The following GPC5 variants were observed in gnomAD, a reference collection of about 807,000 sequenced individuals.
The protein encoded by GPC5 is glypican-5.
A neutral mutation model predicts 53.9 loss-of-function variants in GPC5; 47 were observed. That is an observed-to-expected ratio of 0.87 (90% CI 0.69 to 1.11). The LOEUF (loss-of-function observed/expected upper bound fraction) is 1.11, where lower values mean the gene tolerates loss of function less well. Among genes scored for constraint, GPC5 ranks in the 50% most tolerant of loss-of-function variants. The pLI is 0.00. For synonymous variants in GPC5, 286 were observed against 263.3 expected, an observed-to-expected ratio of 1.09 and a Z score of -0.84; for missense variants, 748 against 713.1, an observed-to-expected ratio of 1.05 and a Z score of -0.56.
intron 5 of GPC5, among the ~76,000 whole-genome samples, chr13:91,818,799 A>G (rs2038440690): frequency 6.6e-6 from 1 of 152,184 alleles, no homozygotes; most frequent in African/African-American, 2.4e-5. Flanking sequence ...TAAGATATAT[A>G]AATACAAGAT....
At chr13:92,839,845 C>T (rs1341694683) in intron 7 of GPC5, among the ~76,000 whole-genome samples, 1 of 151,736 alleles carries the variant, frequency 6.6e-6, no homozygotes, top group Non-Finnish European at 1.5e-5. Flanking sequence ...TAAACCCTTC[C>T]ACGTATCTTA....
At chr13:91,726,241 T>G (rs2036574253) in intron 3 of GPC5, among the ~76,000 whole-genome samples, 1 of 152,214 alleles carries the variant, frequency 6.6e-6, no homozygotes, top group Non-Finnish European at 1.5e-5. Context: ...ACTTTGCCTC[T>G]CTTCTATCTG....
At chr13:91,599,065 G>T (rs1442205700) in intron 2 of GPC5, among the ~76,000 whole-genome samples, 2 of 151,988 alleles carry the variant, frequency 1.3e-5, no homozygotes, top group African/African-American at 2.4e-5. Flanking sequence ...AGCTTTTGGG[G>T]TATCAAGTGG....
intron 7 of GPC5, among the ~76,000 whole-genome samples, chr13:92,267,545 TCCAAATCTTAGTAAAA>T: frequency 6.6e-6 from 1 of 152,230 alleles, no homozygotes; most frequent in Non-Finnish European, 1.5e-5. Context: ...TTATACAGTT[TCCAAATCTTAGTAAAA>T]CCTGGGACTT....
chr13:91,838,455 A>C (rs963195228), intron 5 of GPC5, among the ~76,000 whole-genome samples: 2 of 152,048 alleles, frequency 1.3e-5, no homozygotes, highest in African/African-American at 4.8e-5. Context: ...TTGTTTCTTG[A>C]TCTTGTTTTT....
In GPC5 at chr13:92,083,441, AT is replaced by A. The variant is rs531842940; in HGVS notation, c.1402-61387del. On this transcript the variant is annotated intron_variant, in intron 6 of 7. Transcript: ENST00000377067. The stretch of plus-strand genomic sequence containing the variant: ...AAAACATATATAGAGTCAGGAGGTG[AT>A]TAAAAATTTTAACCAGAAGGATTTA... Among the ~76,000 whole-genome samples the A allele has an allele frequency of 2.3e-3, 349 of 152,280 alleles. 5 individuals are homozygous for A. Among genetic ancestry groups the A allele is most frequent in the Non-Finnish European group, 8.7e-4 (59 of 68,010 alleles).
At chr13:92,118,289 T>A (rs919143950) in intron 6 of GPC5, among the ~76,000 whole-genome samples, 1 of 152,222 alleles carries the variant, frequency 6.6e-6, no homozygotes, top group Non-Finnish European at 1.5e-5. Flanking sequence ...CAGCCTTGCA[T>A]TCGTGGTATA....
intron 6 of GPC5, among the ~76,000 whole-genome samples, chr13:91,976,508 A>T (rs2040303615): frequency 6.6e-6 from 1 of 152,168 alleles, no homozygotes; most frequent in Non-Finnish European, 1.5e-5. Flanking sequence ...GAGTTTATAT[A>T]GCAGAGAAGG....
intron 7 of GPC5, among the ~76,000 whole-genome samples, chr13:92,331,328 C>T (rs564224386): frequency 2.6e-5 from 4 of 152,178 alleles, no homozygotes; most frequent in East Asian, 3.9e-4. Context: ...AAATGAATAA[C>T]GTCTGCAGGT....
intron 6 of GPC5, among the ~76,000 whole-genome samples, chr13:92,134,676 G>A (rs1446356260): frequency 6.6e-6 from 1 of 152,110 alleles, no homozygotes. Context: ...TCAGTTACAA[G>A]TTCTTATTTG....
At chr13:91,954,055 A>G (rs555103121) in intron 6 of GPC5, among the ~76,000 whole-genome samples, 2 of 152,312 alleles carry the variant, frequency 1.3e-5, no homozygotes, top group South Asian at 2.1e-4. Flanking sequence ...AAAATTATGA[A>G]TGGTTCTATA....
At chr13:91,907,900 A>C in intron 5 of GPC5, 37 bp from the exon 6 acceptor site, 2 of 1,587,448 alleles carry the variant, frequency 1.3e-6, no homozygotes, top group Non-Finnish European at 1.7e-6. Context: ...TACCCTGATC[A>C]GGTACTAAGT....
chr13:91,691,175 T>C (rs756576181), intron 2 of GPC5, among the ~76,000 whole-genome samples: 10 of 152,194 alleles, frequency 6.6e-5, no homozygotes, highest in Non-Finnish European at 1.0e-4. Context: ...CAGGTTATCA[T>C]AGTGGAATGC....
At chr13:92,501,835 C>A (rs1204615066) in intron 7 of GPC5, among the ~76,000 whole-genome samples, 1 of 151,974 alleles carries the variant, frequency 6.6e-6, no homozygotes, top group Non-Finnish European at 1.5e-5. Context: ...ACTGTCCTCC[C>A]AGAATTCTAA....
At chr13:91,960,707 G>T (rs975232653) in intron 6 of GPC5, among the ~76,000 whole-genome samples, 1 of 151,860 alleles carries the variant, frequency 6.6e-6, no homozygotes, top group Admixed American at 6.6e-5. Context: ...AAAAAGAGAC[G>T]TGGATAAATG....
intron 7 of GPC5, among the ~76,000 whole-genome samples, chr13:92,701,758 T>G (rs1301385350): frequency 1.3e-5 from 2 of 152,170 alleles, no homozygotes; most frequent in African/African-American, 4.8e-5. Context: ...ATAATCCACA[T>G]TCTAGCAATC....
intron 7 of GPC5, among the ~76,000 whole-genome samples, chr13:92,409,156 A>G (rs1018506510): frequency 2.0e-5 from 3 of 152,006 alleles, no homozygotes; most frequent in African/African-American, 4.8e-5. Context: ...ATTTAAAAAT[A>G]AATATTAGTG....
chr13:91,522,527 T>A (rs1029538480), intron 2 of GPC5, among the ~76,000 whole-genome samples: 15 of 152,244 alleles, frequency 9.9e-5, no homozygotes, highest in Non-Finnish European at 2.1e-4. Context: ...ACTGAATTTT[T>A]AAAAATTATA....
At chr13:91,429,757 G>T (rs1033278435) in intron 1 of GPC5, among the ~76,000 whole-genome samples, 17 of 152,174 alleles carry the variant, frequency 1.1e-4, no homozygotes, top group African/African-American at 3.4e-4. Flanking sequence ...GTAACTTTTA[G>T]AAATAAAGAT....
Sources: gnomAD v4.1 joint callset for allele counts (sites outside exome capture counted in the v4.1 genomes callset) on GRCh38, gnomAD v4.1.1 for gene constraint, MANE v1.5 for transcripts, NCBI Gene and HGNC (gene_info 2026-07-23, HGNC 2026-07-21) for gene names.